Variants in PDE6C observed in about 807,000 individuals in gnomAD.
PDE6C encodes the protein phosphodiesterase 6C.
Under a neutral mutation model 113.1 loss-of-function variants are expected in PDE6C, and 75 were observed. The observed-to-expected ratio is 0.66, with a 90% CI of 0.55 to 0.80. PDE6C has a LOEUF of 0.80. Ranked by LOEUF, PDE6C falls within the 30% of genes least tolerant of loss-of-function variation. The probability of loss-of-function intolerance (pLI) is 0.00; values close to 1 mark genes in which losing one functional copy is unlikely to be tolerated. For missense variants in PDE6C, 912 were observed against 1,038.6 expected (o/e 0.88, Z 1.67); for synonymous variants, 375 against 363.7 (o/e 1.03, Z -0.35).
chr10:93,634,291 G>T (rs2058517289), intron 8 of PDE6C, among the ~76,000 whole-genome samples: 1 of 152,178 alleles, frequency 6.6e-6, no homozygotes, highest in Non-Finnish European at 1.5e-5. Flanking sequence ...GGGATTACAG[G>T]CTCCAGCCAC....
At chr10:93,658,697 G>T (rs1432412120) in intron 16 of PDE6C, among the ~76,000 whole-genome samples, 1 of 150,432 alleles carries the variant, frequency 6.6e-6, no homozygotes, top group Non-Finnish European at 1.5e-5. Flanking sequence ...TCTCTGTATG[G>T]TTTGTGCTTT....
chr10:93,620,214 G>A (rs763275949), intron 1 of PDE6C, among the ~76,000 whole-genome samples: 22 of 152,280 alleles, frequency 1.4e-4, no homozygotes, highest in Middle Eastern at 3.4e-3. Context: ...TCAAGTGCAT[G>A]TTTTCCCTTT....
chr10:93,619,669 G>A lies in PDE6C; in HGVS notation c.481-963G>A, dbSNP rs986301689. 3.9e-5 allele frequency among the ~76,000 whole-genome samples: 6 copies of A among 152,222 alleles called. No individual in the cohort carries two copies. In the South Asian group the frequency reaches 6.2e-4, roughly 16 times the overall value. Reference sequence around the variant, plus strand: ...TCGAACTCCTAACCTCAGGTGATCCGCCTGCCTTGGCCTCCCAAAGTGCTG... The same window carrying A: ...TCGAACTCCTAACCTCAGGTGATCCACCTGCCTTGGCCTCCCAAAGTGCTG... On this transcript the variant is annotated intron_variant, in intron 1 of 21. Transcript: ENST00000371447.
intron 21 of PDE6C, among the ~76,000 whole-genome samples, chr10:93,664,025 T>TAACA (rs1400621331): frequency 6.6e-6 from 1 of 152,214 alleles, no homozygotes; most frequent in African/African-American, 2.4e-5. Flanking sequence ...ATATTTTTCT[T>TAACA]AACAAAGTTA....
chr10:93,640,144 C>A lies in PDE6C; in HGVS notation c.1557C>A (p.His519Gln). The change falls in exon 12 of 22, where the codon CAC becomes CAA. Residue 519 changes from histidine (H) to glutamine (Q), a missense_variant. Transcript: ENST00000371447. ...TCAGTGACTTCCCCCTTACAGAGCA[C>A]GGATTGATTAAATGTGGAATACGAC... ...FRFSDFPLTEHGLIKCGIRLF... is the reference protein window; with the variant it reads ...FRFSDFPLTEQGLIKCGIRLF... 6.2e-7 allele frequency: 1 copy of A among 1,613,360 alleles called. No individual in the cohort carries two copies.
chr10:93,631,808 G>A (rs529394980), intron 8 of PDE6C, among the ~76,000 whole-genome samples: 4 of 152,358 alleles, frequency 2.6e-5, no homozygotes, highest in Admixed American at 1.3e-4. Flanking sequence ...TGCCATCAGA[G>A]CAAACCTGCA....
At chr10:93,616,855 T>C (rs947161979) in intron 1 of PDE6C, among the ~76,000 whole-genome samples, 5 of 152,160 alleles carry the variant, frequency 3.3e-5, no homozygotes, top group Non-Finnish European at 7.3e-5. Flanking sequence ...GGTTTCACCA[T>C]GTTGGCCAGG....
rs1285099641 is a variant in PDE6C, at chr10:93,655,752, T to A, written c.1936-8T>A. 1 of 1,449,582 alleles carries A rather than the reference T, an allele frequency of 6.9e-7. No individual in the cohort carries two copies. Among genetic ancestry groups the A allele is most frequent in the East Asian group, 2.3e-5 (1 of 44,122 alleles). 89.8% of individuals were successfully genotyped at this position (1,449,582 alleles called of 1,614,324 possible). On this transcript the variant is annotated splice_region_variant and splice_polypyrimidine_tract_variant and intron_variant, in intron 15 of 21. Coordinates refer to ENST00000371447, the MANE Select transcript of PDE6C (RefSeq NM_006204.4). ...GATAGCATTTTATTGTGAATTTTCATCTTACAGAGTTTAAACATCTTCCAG... is the reference window on the plus strand; with the variant it reads ...GATAGCATTTTATTGTGAATTTTCAACTTACAGAGTTTAAACATCTTCCAG...
At chr10:93,643,237 G>A (rs1199818287) in intron 14 of PDE6C, among the ~76,000 whole-genome samples, 1 of 152,090 alleles carries the variant, frequency 6.6e-6, no homozygotes, top group African/African-American at 2.4e-5. Context: ...AGGTTTGCAG[G>A]AAAGATGCAT....
At chr10:93,664,341 A>C (rs1339278086) in intron 21 of PDE6C, among the ~76,000 whole-genome samples, 1 of 152,210 alleles carries the variant, frequency 6.6e-6, no homozygotes, top group South Asian at 2.1e-4. Context: ...ATATGTACAA[A>C]GGCTTGGAGT....
intron 4 of PDE6C, among the ~76,000 whole-genome samples, chr10:93,623,298 A>AT (rs1410666187): frequency 6.6e-6 from 1 of 151,958 alleles, no homozygotes; most frequent in Non-Finnish European, 1.5e-5. Context: ...TTTTGCCCAC[A>AT]TTTTTTTATG....
intron 20 of PDE6C, 125 bp from the exon 21 acceptor site, chr10:93,662,903 T>C (rs1406450866): frequency 2.3e-5 from 19 of 842,954 alleles, no homozygotes; most frequent in Non-Finnish European, 3.7e-5. Flanking sequence ...CATAGGCCCG[T>C]GGTTAAACTT....
At chr10:93,655,645 A>G (rs2058634156) in intron 15 of PDE6C, 115 bp from the exon 16 acceptor site, 1 of 649,094 alleles carries the variant, frequency 1.5e-6, no homozygotes. Context: ...AAAACAAAAA[A>G]AAAACAAACA....
intron 15 of PDE6C, among the ~76,000 whole-genome samples, chr10:93,648,340 G>T (rs1000172239): frequency 6.6e-6 from 1 of 152,044 alleles, no homozygotes. Context: ...TTAAAGCCTT[G>T]TCAATAGAGT....
intron 15 of PDE6C, 116 bp from the exon 16 acceptor site, chr10:93,655,644 A>G: frequency 3.1e-6 from 2 of 647,026 alleles, no homozygotes; most frequent in Non-Finnish European, 5.6e-6. Context: ...GAAAACAAAA[A>G]AAAAACAAAC....
chr10:93,654,838 C>T (rs2058629067), intron 15 of PDE6C, among the ~76,000 whole-genome samples: 1 of 132,162 alleles, frequency 7.6e-6, no homozygotes, highest in Non-Finnish European at 1.6e-5. Flanking sequence ...AACAGGGTCT[C>T]TCTCTGTCAC....
intron 21 of PDE6C, among the ~76,000 whole-genome samples, chr10:93,664,184 T>C (rs1210952255): frequency 6.6e-6 from 1 of 152,140 alleles, no homozygotes; most frequent in African/African-American, 2.4e-5. Flanking sequence ...ATTTACCATT[T>C]GGTGGGGGAA....
intron 9 of PDE6C, 116 bp downstream of exon 9, chr10:93,635,023 C>T (rs1589697876): frequency 4.8e-6 from 5 of 1,052,322 alleles, no homozygotes; most frequent in Middle Eastern, 4.5e-4. Context: ...ATGAGTCACA[C>T]ATAGCTGTAA....
At chr10:93,641,062 T>C in intron 14 of PDE6C, 33 bp downstream of exon 14, 2 of 1,229,996 alleles carry the variant, frequency 1.6e-6, no homozygotes, top group Non-Finnish European at 2.4e-6. Context: ...TTGACACGTA[T>C]TGGTGGACAT....
Sources: allele counts gnomAD v4.1 joint callset (sites outside exome capture counted in the v4.1 genomes callset), GRCh38; gene constraint gnomAD v4.1.1; transcripts MANE v1.5; gene names NCBI Gene and HGNC (gene_info 2026-07-23, HGNC 2026-07-21).